The following PPP1R1C variants were observed in gnomAD, a reference collection of about 807,000 sequenced individuals.
PPP1R1C encodes the protein protein phosphatase 1 regulatory inhibitor subunit 1C.
In PPP1R1C, 15 loss-of-function variants were observed where a neutral mutation model predicts 17.4. The ratio of observed to expected loss-of-function variants is 0.86; its 90% CI spans 0.58 to 1.33. PPP1R1C has a LOEUF of 1.33. Ranked by LOEUF, PPP1R1C falls within the 40% of genes most tolerant of loss-of-function variation. PPP1R1C has a pLI of 0.00. For synonymous variants in PPP1R1C, 35 were observed against 43.1 expected (o/e 0.81, Z 0.73); for missense variants, 143 against 130.0 (o/e 1.10, Z -0.48).
At chr2:182,016,079 C>T (rs920678793) in intron 2 of PPP1R1C, among the ~76,000 whole-genome samples, 1 of 152,182 alleles carries the variant, frequency 6.6e-6, no homozygotes, top group African/African-American at 2.4e-5. Flanking sequence ...GGTGGGACTA[C>T]CTGAGTCTCA....
chr2:182,035,683 C>G (rs1479276598), intron 2 of PPP1R1C, among the ~76,000 whole-genome samples: 4 of 152,050 alleles, frequency 2.6e-5, no homozygotes, highest in Non-Finnish European at 4.4e-5. Flanking sequence ...TCATGCTGGC[C>G]AAGTGAAGAT....
downstream of PPP1R1C, chr2:182,130,904 T>C (rs1166834137): frequency 6.6e-6 from 1 of 152,206 alleles, no homozygotes; most frequent in Admixed American, 6.5e-5. Flanking sequence ...TACTAAATCC[T>C]GGACTTGCCT....
chr2:182,112,396 A>C (rs1689467798), intron 4 of PPP1R1C, among the ~76,000 whole-genome samples: 1 of 152,274 alleles, frequency 6.6e-6, no homozygotes, highest in East Asian at 1.9e-4. Context: ...TGACAACCAC[A>C]ATAACAAAAG....
At chr2:181,989,033 A>C (rs1019423338) in intron 2 of PPP1R1C, among the ~76,000 whole-genome samples, 2 of 152,208 alleles carry the variant, frequency 1.3e-5, no homozygotes, top group African/African-American at 4.8e-5. Context: ...ATATGTAATT[A>C]TAATTCTAAA....
intron 2 of PPP1R1C, chr2:182,048,790 AAG>A (rs1301699897): frequency 6.6e-6 from 1 of 152,186 alleles, no homozygotes; most frequent in East Asian, 1.9e-4. Context: ...GCTGTAAAGA[AAG>A]AGATTCTACC....
At position 182,009,482 on chromosome 2, in the gene PPP1R1C, T is replaced by A. The variant is rs188856369; in HGVS notation, c.142+21583T>A. 1.2e-4 allele frequency among the ~76,000 whole-genome samples: 18 copies of A among 152,294 alleles called. No homozygotes were observed. In the East Asian group the frequency reaches 3.5e-3, roughly 29 times the overall value. ...ATTTTTAAATCAGATTATTATGGTG[T>A]TTGCCTATACTGTTGCTTGAGTTCC... On this transcript the variant is annotated intron_variant, in intron 2 of 4. Transcript: ENST00000682840.
chr2:181,974,128 G>A (rs1024686200), intron 1 of PPP1R1C, among the ~76,000 whole-genome samples: 1 of 151,992 alleles, frequency 6.6e-6, no homozygotes, highest in Non-Finnish European at 1.5e-5. Context: ...TGGGTGGGTA[G>A]AGACTTTAAG....
At chr2:181,999,159 A>G (rs1348982250) in intron 2 of PPP1R1C, among the ~76,000 whole-genome samples, 3 of 152,250 alleles carry the variant, frequency 2.0e-5, no homozygotes, top group Admixed American at 6.5e-5. Context: ...AATAAGCAAC[A>G]TATTCAAAAT....
chr2:182,023,819 T>G (rs1260074356), intron 2 of PPP1R1C: 1 of 152,022 alleles, frequency 6.6e-6, no homozygotes, highest in Non-Finnish European at 1.5e-5. Context: ...TTTTTTTTTG[T>G]AGAAACCAGG....
intron 2 of PPP1R1C, among the ~76,000 whole-genome samples, chr2:182,007,581 A>AT (rs1685958562): frequency 1.3e-5 from 2 of 152,176 alleles, no homozygotes; most frequent in Admixed American, 1.3e-4. Flanking sequence ...ATAGTAGTGG[A>AT]TTTTGTCCTG....
intron 2 of PPP1R1C, among the ~76,000 whole-genome samples, chr2:182,044,986 G>A (rs1191959923): frequency 3.3e-5 from 5 of 152,084 alleles, no homozygotes; most frequent in Non-Finnish European, 5.9e-5. Flanking sequence ...TCTATCTATA[G>A]ATATATGTAT....
intron 2 of PPP1R1C, among the ~76,000 whole-genome samples, chr2:182,017,228 AAC>A (rs10572445): frequency 0.038 from 5,830 of 152,152 alleles, 376 homozygotes; most frequent in African/African-American, 0.13. Flanking sequence ...CATTTCTGGA[AAC>A]ACACTCATAT....
chr2:181,986,071 T>C lies in PPP1R1C; in HGVS notation c.-40T>C. On this transcript the variant is annotated 5_prime_UTR_variant, in exon 1 of 5. Coordinates refer to ENST00000682840, the MANE Select transcript of PPP1R1C (RefSeq NM_001080545.3). Reference sequence around the variant, plus strand: ...CCGGACACCACTTAGGGTTAGTCTTTCTGAGCTCTTCACATCTCTGACTAA... The same window carrying C: ...CCGGACACCACTTAGGGTTAGTCTTCCTGAGCTCTTCACATCTCTGACTAA... 1 of 1,527,358 alleles carries C rather than the reference T, an allele frequency of 6.5e-7. No homozygotes were observed. The highest frequency in any genetic ancestry group is 9.1e-7 in the Non-Finnish European group (1 of 1,100,928). 94.6% of individuals were successfully genotyped at this position (1,527,358 alleles called of 1,614,324 possible). A position where few individuals can be genotyped will look rare whatever the true frequency, so the allele number is the denominator to read the frequency against.
At position 181,993,712 on chromosome 2, in the gene PPP1R1C, G is replaced by A. The variant is rs375458400; in HGVS notation, c.142+5813G>A. 2.2e-4 allele frequency among the ~76,000 whole-genome samples: 33 copies of A among 152,130 alleles called. No homozygotes were observed. In the East Asian group the frequency reaches 5.2e-3, roughly 24 times the overall value. On this transcript the variant is annotated intron_variant, in intron 2 of 4. Coordinates refer to ENST00000682840, the MANE Select transcript of PPP1R1C (RefSeq NM_001080545.3). ...TGATTTTTTAAAAAGTTACACATGTGGCTTTCAGTGATTCATGTACTGTAC... is the reference window on the plus strand; with the variant it reads ...TGATTTTTTAAAAAGTTACACATGTAGCTTTCAGTGATTCATGTACTGTAC...
At chr2:182,008,022 C>T (rs1421024612) in intron 2 of PPP1R1C, among the ~76,000 whole-genome samples, 4 of 151,704 alleles carry the variant, frequency 2.6e-5, no homozygotes, top group Admixed American at 6.6e-5. Context: ...GAGCTGAGAT[C>T]GCGCCACTGC....
intron 4 of PPP1R1C, among the ~76,000 whole-genome samples, chr2:182,081,718 G>A (rs936814341): frequency 1.3e-5 from 2 of 152,128 alleles, no homozygotes; most frequent in Non-Finnish European, 2.9e-5. Flanking sequence ...AAAAACTCCT[G>A]CACTTAGCAG....
intron 2 of PPP1R1C, among the ~76,000 whole-genome samples, chr2:182,044,918 A>T (rs180782709): frequency 1.3e-5 from 2 of 152,268 alleles, no homozygotes; most frequent in East Asian, 1.9e-4. Context: ...TGAGAAAAAA[A>T]TGGTTAGTTT....
chr2:181,965,694 T>C (rs1684893777), intron 1 of PPP1R1C, among the ~76,000 whole-genome samples: 1 of 152,210 alleles, frequency 6.6e-6, no homozygotes, highest in Non-Finnish European at 1.5e-5. Context: ...CATGCTGTTT[T>C]GGTTACTACA....
intron 2 of PPP1R1C, among the ~76,000 whole-genome samples, chr2:182,005,315 G>C (rs1685885771): frequency 6.6e-6 from 1 of 152,156 alleles, no homozygotes; most frequent in Admixed American, 6.5e-5. Context: ...TCACTGACAT[G>C]CTGCCAGAAA....
Sources: gnomAD v4.1 joint callset for allele counts (sites outside exome capture counted in the v4.1 genomes callset) on GRCh38, gnomAD v4.1.1 for gene constraint, MANE v1.5 for transcripts, NCBI Gene and HGNC (gene_info 2026-07-23, HGNC 2026-07-21) for gene names.